The following TMEM38B variants were observed in gnomAD, a reference collection of about 807,000 sequenced individuals.
The protein encoded by TMEM38B is trimeric intracellular cation channel type B.
TMEM38B carries 24 observed loss-of-function variants against 28.7 expected under a neutral mutation model. That is an observed-to-expected ratio of 0.84 (90% CI 0.61 to 1.18). TMEM38B has a LOEUF of 1.18. Ranked by LOEUF, TMEM38B falls within the 50% of genes most tolerant of loss-of-function variation. The pLI, the probability that TMEM38B is intolerant of heterozygous loss-of-function variation, is 0.00. For synonymous variants in TMEM38B, 131 were observed against 127.7 expected, an observed-to-expected ratio of 1.03 and a Z score of -0.17; for missense variants, 380 against 350.9, an observed-to-expected ratio of 1.08 and a Z score of -0.66.
chr9:105,731,429 A>G (rs1407327654), intron 4 of TMEM38B, among the ~76,000 whole-genome samples: 1 of 151,852 alleles, frequency 6.6e-6, no homozygotes, highest in African/African-American at 2.4e-5. Context: ...TATATTAGGT[A>G]TTTCTCTTAA....
At chr9:105,726,083 A>G (rs1365109948) in intron 4 of TMEM38B, among the ~76,000 whole-genome samples, 2 of 152,120 alleles carry the variant, frequency 1.3e-5, no homozygotes, top group Non-Finnish European at 2.9e-5. Context: ...AGCGACATCA[A>G]GGTAATTGGG....
At chr9:105,701,292 C>T (rs552061537) in intron 1 of TMEM38B, 6 of 152,258 alleles carry the variant, frequency 3.9e-5, no homozygotes, top group African/African-American at 1.4e-4. Flanking sequence ...GTACTTGCTA[C>T]TTGCCAGTCT....
At chr9:105,750,170 C>G (rs541036187) in intron 5 of TMEM38B, among the ~76,000 whole-genome samples, 1 of 152,178 alleles carries the variant, frequency 6.6e-6, no homozygotes, top group Admixed American at 6.5e-5. Context: ...AGATCATTTG[C>G]CCATTTTCAA....
intron 4 of TMEM38B, among the ~76,000 whole-genome samples, chr9:105,739,608 T>G (rs979853039): frequency 1.3e-5 from 2 of 152,114 alleles, no homozygotes; most frequent in African/African-American, 4.8e-5. Context: ...CACTGCAACC[T>G]CTGCCTCCTG....
At chr9:105,740,991 A>G (rs1837183791) in intron 4 of TMEM38B, among the ~76,000 whole-genome samples, 4 of 152,224 alleles carry the variant, frequency 2.6e-5, no homozygotes, top group African/African-American at 9.7e-5. Flanking sequence ...TTCTTTGCAT[A>G]TCTGCAAATT....
intron 5 of TMEM38B, among the ~76,000 whole-genome samples, chr9:105,764,447 CAGAG>C (rs1388146647): frequency 3.3e-5 from 5 of 152,236 alleles, no homozygotes; most frequent in African/African-American, 7.2e-5. Flanking sequence ...AACACACAAA[CAGAG>C]AGCCAAATCA....
At chr9:105,757,128 G>C (rs1475287984) in intron 5 of TMEM38B, among the ~76,000 whole-genome samples, 1 of 151,944 alleles carries the variant, frequency 6.6e-6, no homozygotes, top group East Asian at 1.9e-4. Context: ...TCACAGCTTA[G>C]CTCCCACTTA....
Position 105,705,699 on chromosome 9 carries a change from C to T in TMEM38B, c.215C>T (p.Pro72Leu). 8 of 1,614,004 alleles carry T rather than the reference C, an allele frequency of 5.0e-6. No individual in the cohort carries two copies. The highest frequency in any genetic ancestry group is 6.8e-6 in the Non-Finnish European group (8 of 1,180,010). The part of the protein sequence containing the change: ...GILSCLLLAE[P>L]PLKFLANHTN... ...TTATCCTGTCTACTGCTTGCAGAGC[C>T]TCCATTGAAGTTTCTTGCAAACCAC... The change falls in exon 2 of 6, where the codon CCT becomes CTT. Residue 72 changes from proline (P) to leucine (L), a missense_variant. By Grantham distance (98) the Pro-to-Leu change is moderately conservative (BLOSUM62 -3). Coordinates refer to ENST00000374692, the MANE Select transcript of TMEM38B (RefSeq NM_018112.3).
intron 4 of TMEM38B, among the ~76,000 whole-genome samples, chr9:105,724,549 G>T (rs1224853362): frequency 6.6e-6 from 1 of 151,802 alleles, no homozygotes; most frequent in African/African-American, 2.4e-5. Flanking sequence ...CTTGAACCTG[G>T]GAGGCAGAAG....
chr9:105,722,481 T>C (rs1836353847), intron 3 of TMEM38B, 53 bp from the exon 4 acceptor site: 1 of 1,363,164 alleles, frequency 7.3e-7, no homozygotes, highest in South Asian at 1.2e-5. Flanking sequence ...CCTTTAAATA[T>C]GTTTTACAGG....
At chr9:105,735,225 C>G (rs1488825347) in intron 4 of TMEM38B, among the ~76,000 whole-genome samples, 1 of 152,074 alleles carries the variant, frequency 6.6e-6, no homozygotes, top group Non-Finnish European at 1.5e-5. Context: ...CCTTAATTTA[C>G]TTTTTTACCT....
chr9:105,727,023 T>C (rs937164688), intron 4 of TMEM38B, among the ~76,000 whole-genome samples: 2 of 152,164 alleles, frequency 1.3e-5, no homozygotes, highest in Non-Finnish European at 2.9e-5. Flanking sequence ...ATTATACTGC[T>C]TCATATTCAT....
chr9:105,745,108 T>C (rs1197784799), intron 4 of TMEM38B, among the ~76,000 whole-genome samples: 1 of 152,256 alleles, frequency 6.6e-6, no homozygotes, highest in African/African-American at 2.4e-5. Flanking sequence ...TACCCAGTAA[T>C]GGGATCGCTG....
chr9:105,762,691 T>C (rs1452476699), intron 5 of TMEM38B, among the ~76,000 whole-genome samples: 44 of 139,794 alleles, frequency 3.1e-4, no homozygotes, highest in African/African-American at 1.2e-3. Context: ...AAGTCTTTGC[T>C]ATTGTGAATA....
At chr9:105,725,668 CGTA>C (rs1171079974) in intron 4 of TMEM38B, among the ~76,000 whole-genome samples, 3 of 151,992 alleles carry the variant, frequency 2.0e-5, no homozygotes, top group African/African-American at 7.3e-5. Context: ...GCAATTTTAA[CGTA>C]GTAGTAGGTA....
chr9:105,745,942 C>G (rs1226632149), intron 4 of TMEM38B, among the ~76,000 whole-genome samples: 2 of 152,092 alleles, frequency 1.3e-5, no homozygotes, highest in East Asian at 1.9e-4. Context: ...TGGTCTATAT[C>G]TCTGTTTTGG....
At chr9:105,707,014 G>A (rs1835697056) in intron 2 of TMEM38B, among the ~76,000 whole-genome samples, 1 of 152,142 alleles carries the variant, frequency 6.6e-6, no homozygotes, top group African/African-American at 2.4e-5. Context: ...CTGATGTCAA[G>A]TGATCTGCCC....
chr9:105,745,872 T>G (rs1837371827), intron 4 of TMEM38B, among the ~76,000 whole-genome samples: 1 of 152,212 alleles, frequency 6.6e-6, no homozygotes, highest in Non-Finnish European at 1.5e-5. Flanking sequence ...GTCAGGTTTG[T>G]CAAAGATGAA....
chr9:105,721,553 TGCCCGCA>T lies in TMEM38B; in HGVS notation c.287_293del (p.Cys96LeufsTer3). ...CATTTTCAGGTATATTACATTTTTT[TGCCCGCA>T]TGACCTAGTTTCCCAGGGCTATTCA... On this transcript the variant is annotated frameshift_variant, in exon 3 of 6. Coordinates refer to ENST00000374692, the MANE Select transcript of TMEM38B (RefSeq NM_018112.3). LOFTEE classifies it high-confidence loss of function. The T allele has an allele frequency of 1.3e-6, 2 of 1,598,546 alleles. No homozygotes were observed. The highest frequency in any genetic ancestry group is 1.1e-5 in the South Asian group (1 of 87,844).
Sources: allele counts gnomAD v4.1 joint callset (sites outside exome capture counted in the v4.1 genomes callset), GRCh38; gene constraint gnomAD v4.1.1; transcripts MANE v1.5; gene names NCBI Gene and HGNC (gene_info 2026-07-23, HGNC 2026-07-21).